Variants in ELP6 observed in about 807,000 individuals in gnomAD.
The protein encoded by ELP6 is elongator acetyltransferase complex subunit 6, also known as elongator complex protein 6.
A neutral mutation model predicts 28.1 loss-of-function variants in ELP6; 23 were observed. The ratio of observed to expected loss-of-function variants is 0.82; its 90% CI spans 0.59 to 1.16. The LOEUF (loss-of-function observed/expected upper bound fraction) is 1.16. ELP6 is among the 50% of genes most tolerant of loss of function. The pLI is 0.00. For synonymous variants in ELP6, 132 were observed against 135.8 expected, an observed-to-expected ratio of 0.97 and a Z score of 0.19; for missense variants, 313 against 334.6, an observed-to-expected ratio of 0.94 and a Z score of 0.50.
chr3:47,498,976 G>T (rs1315629789), intron 5 of ELP6, among the ~76,000 whole-genome samples: 3 of 152,210 alleles, frequency 2.0e-5, no homozygotes, highest in Non-Finnish European at 2.9e-5. Context: ...GAATCTCAGA[G>T]GGCAAGTAGG....
At chr3:47,498,229 G>A in intron 6 of ELP6, 57 bp downstream of exon 6, 1 of 1,600,314 alleles carries the variant, frequency 6.2e-7, no homozygotes. Context: ...CCCCTATGTA[G>A]TCAAGAATCA....
At position 47,499,032 on chromosome 3, in the gene ELP6, G is replaced by A. The variant is rs571707906; in HGVS notation, c.526-600C>T. ...AGGGGAAGGTCAACCCTGCCAAAAAGTGACAGCTTGAATAATGAGAGCTTT... is the reference window on the plus strand; with the variant it reads ...AGGGGAAGGTCAACCCTGCCAAAAAATGACAGCTTGAATAATGAGAGCTTT... On this transcript the variant is annotated intron_variant, in intron 5 of 6. Coordinates refer to ENST00000296149, the MANE Select transcript of ELP6 (RefSeq NM_001031703.3). Among the ~76,000 whole-genome samples, 172 of 152,324 alleles carry A rather than the reference G, an allele frequency of 1.1e-3. 2 individuals carry two copies. Among genetic ancestry groups the A allele is most frequent in the African/African-American group, 3.6e-3 (150 of 41,580 alleles).
chr3:47,500,625 T>A (rs572120776), intron 5 of ELP6, among the ~76,000 whole-genome samples: 1 of 152,084 alleles, frequency 6.6e-6, no homozygotes, highest in Non-Finnish European at 1.5e-5. Flanking sequence ...CTGCAGAAGG[T>A]GGCTTTGGCT....
chr3:47,511,445 A>G (rs1294378674), intron 1 of ELP6: 1 of 1,357,058 alleles, frequency 7.4e-7, no homozygotes, highest in East Asian at 2.9e-5. Context: ...ATGATAGGCA[A>G]GCATATCTCA....
chr3:47,502,533 C>T, intron 4 of ELP6: 1 of 984,842 alleles, frequency 1.0e-6, no homozygotes, highest in Non-Finnish European at 1.2e-6. Context: ...AGGTTATACA[C>T]AGCTGGAAAA....
At chr3:47,503,575 C>T in intron 4 of ELP6, 2 of 483,508 alleles carry the variant, frequency 4.1e-6, no homozygotes, top group South Asian at 4.6e-5. Context: ...GGCTGTATTC[C>T]AATAAAATTT....
At chr3:47,504,813 A>G (rs1708778800) in intron 3 of ELP6, 1 of 202,810 alleles carries the variant, frequency 4.9e-6, no homozygotes, top group African/African-American at 2.4e-5. Context: ...TAAAAAAATT[A>G]GCCAAGTGTG....
chr3:47,497,847 C>T, intron 6 of ELP6: 2 of 536,514 alleles, frequency 3.7e-6, no homozygotes, highest in Non-Finnish European at 4.8e-6. Context: ...CAGAGAATTG[C>T]TTGAACCCAG....
chr3:47,512,606 T>C, intron 1 of ELP6: 2 of 985,312 alleles, frequency 2.0e-6, no homozygotes, highest in Non-Finnish European at 2.4e-6. Flanking sequence ...AGGTTACTCC[T>C]ACGTTAAAAT....
chr3:47,513,663 AAC>A lies in ELP6; in HGVS notation c.-75_-74del, dbSNP rs1456505317. 15 of 1,584,190 alleles carry A rather than the reference AAC, an allele frequency of 9.5e-6. No homozygotes were observed. In the Admixed American group the frequency reaches 1.7e-4, roughly 18 times the overall value. On this transcript the variant is annotated 5_prime_UTR_variant, in exon 1 of 7. Coordinates refer to ENST00000296149, the MANE Select transcript of ELP6 (RefSeq NM_001031703.3). ...AGAGACGACGGAGGCTGGAGAGCAA[AAC>A]ACACCCGACAGCCCGGCTCGCGCAA...
In ELP6 at chr3:47,504,295, G is replaced by A. The variant is rs369632480; in HGVS notation, c.323+35C>T. 9.0e-6 allele frequency: 14 copies of A among 1,551,600 alleles called. No homozygotes were observed. The African/African-American group carries it at 9.6e-5, about 11-fold the overall frequency. On this transcript the variant is annotated intron_variant, in intron 4 of 6. Coordinates refer to ENST00000296149, the MANE Select transcript of ELP6 (RefSeq NM_001031703.3). Reference sequence around the variant, plus strand: ...AACCCTGCCTGGGCCCACCTGCCACGTGTTGCTTCCGGGCTGGGCTGTAGG... The same window carrying A: ...AACCCTGCCTGGGCCCACCTGCCACATGTTGCTTCCGGGCTGGGCTGTAGG...
chr3:47,504,140 A>G, intron 4 of ELP6, 190 bp downstream of exon 4: 1 of 652,382 alleles, frequency 1.5e-6, no homozygotes, highest in Non-Finnish European at 2.5e-6. Flanking sequence ...AGCTTTTGGG[A>G]CAAATGTCCA....
chr3:47,498,452 G>A lies in ELP6; in HGVS notation c.526-20C>T. The A allele has an allele frequency of 1.2e-6, 2 of 1,609,490 alleles. No homozygotes were observed. The highest frequency in any genetic ancestry group is 1.7e-6 in the Non-Finnish European group (2 of 1,179,282). On this transcript the variant is annotated intron_variant, in intron 5 of 6. Transcript: ENST00000296149. ...GTTTCCCTGCATCAGATACAAGATG[G>A]AAGCCTGCTCCTTACTGGAAAGGAC...
chr3:47,498,064 T>A, intron 6 of ELP6: 1 of 1,407,310 alleles, frequency 7.1e-7, no homozygotes, highest in Non-Finnish European at 9.3e-7. Flanking sequence ...GTGCCCCACT[T>A]TGGTCACAAA....
At chr3:47,507,511 T>A (rs1048320660) in intron 3 of ELP6, among the ~76,000 whole-genome samples, 5 of 149,996 alleles carry the variant, frequency 3.3e-5, no homozygotes, top group African/African-American at 9.8e-5. Flanking sequence ...ATAGGTCACA[T>A]GGGGCTCGGC....
chr3:47,513,172 G>T, intron 1 of ELP6: 1 of 946,150 alleles, frequency 1.1e-6, no homozygotes, highest in Non-Finnish European at 1.3e-6. Flanking sequence ...TGTATTTTTC[G>T]TAGAGACGGG....
In ELP6 at chr3:47,499,923, A is replaced by C. The variant is rs932107112; in HGVS notation, c.526-1491T>G. 3 of 1,341,544 alleles carry C rather than the reference A, an allele frequency of 2.2e-6. No homozygotes were observed. In the African/African-American group the frequency reaches 4.5e-5, roughly 20 times the overall value. 83.1% of individuals were successfully genotyped at this position (1,341,544 alleles called of 1,614,324 possible). The stretch of plus-strand genomic sequence containing the variant: ...ATGGAGGTGGAGGACGTGACCCTCA[A>C]CCGTCGTGCCTGCAGCTTCCGAGTC... On this transcript the variant is annotated intron_variant, in intron 5 of 6. Transcript: ENST00000296149.
chr3:47,506,349 A>C (rs1708836658), intron 3 of ELP6, among the ~76,000 whole-genome samples: 1 of 152,164 alleles, frequency 6.6e-6, no homozygotes, highest in African/African-American at 2.4e-5. Flanking sequence ...GGGTTTTGAG[A>C]GCAACTGGTC....
chr3:47,513,648 G>A lies in ELP6; in HGVS notation c.-58C>T. ...AACCCGGAGTGCTGCAGAGACGACG[G>A]AGGCTGGAGAGCAAAACACACCCGA... is the stretch of plus-strand genomic sequence containing the variant. On this transcript the variant is annotated 5_prime_UTR_variant, in exon 1 of 7. Transcript: ENST00000296149. 1 of 1,606,952 alleles carries A rather than the reference G, an allele frequency of 6.2e-7. No homozygotes were observed. The highest frequency in any genetic ancestry group is 8.5e-7 in the Non-Finnish European group (1 of 1,175,256).
Sources: allele counts gnomAD v4.1 joint callset (sites outside exome capture counted in the v4.1 genomes callset), GRCh38; gene constraint gnomAD v4.1.1; transcripts MANE v1.5; gene names NCBI Gene and HGNC (gene_info 2026-07-23, HGNC 2026-07-21).